LVRN: variants seen among roughly 807,000 people sequenced by gnomAD.
LVRN encodes the protein laeverin.
LVRN carries 99 observed loss-of-function variants against 111.4 expected under a neutral mutation model. That is an observed-to-expected ratio of 0.89 (90% CI 0.76 to 1.05). The LOEUF (loss-of-function observed/expected upper bound fraction) is 1.05. Among genes scored for constraint, LVRN ranks in the 50% least tolerant of loss-of-function variants. The pLI, the probability that LVRN is intolerant of heterozygous loss-of-function variation, is 0.00. For missense variants in LVRN, 1,414 were observed against 1,206.8 expected, an observed-to-expected ratio of 1.17 and a Z score of -2.54; for synonymous variants, 488 against 449.5, an observed-to-expected ratio of 1.09 and a Z score of -1.08.
chr5:115,971,060 G>C (rs1726735962), intron 1 of LVRN, among the ~76,000 whole-genome samples: 1 of 152,096 alleles, frequency 6.6e-6, no homozygotes, highest in South Asian at 2.1e-4. Flanking sequence ...ATTCTAATAG[G>C]TGTATAGTGT....
chr5:116,018,701 T>C (rs562457367), intron 18 of LVRN, among the ~76,000 whole-genome samples: 56 of 152,282 alleles, frequency 3.7e-4, no homozygotes, highest in Non-Finnish European at 1.5e-4. Flanking sequence ...ATGCTATATC[T>C]TTTAAACATT....
chr5:115,987,950 C>A lies in LVRN; in HGVS notation c.1105+11C>A. On this transcript the variant is annotated intron_variant, in intron 4 of 19. Transcript: ENST00000357872. Reference sequence around the variant, plus strand: ...CTCTTCCAAAAACAGGTGAGGTAATCTTTTCCTTTCAGTGCATTTGGTTTC... The same window carrying A: ...CTCTTCCAAAAACAGGTGAGGTAATATTTTCCTTTCAGTGCATTTGGTTTC... 6.2e-7 allele frequency: 1 copy of A among 1,605,806 alleles called. No homozygotes were observed. Among genetic ancestry groups the A allele is most frequent in the Non-Finnish European group, 8.5e-7 (1 of 1,177,352 alleles).
At chr5:116,012,181 A>G (rs1339023678) in intron 14 of LVRN, among the ~76,000 whole-genome samples, 193 bp from the exon 15 acceptor site, 1 of 152,182 alleles carries the variant, frequency 6.6e-6, no homozygotes, top group Non-Finnish European at 1.5e-5. Context: ...ACCACATTTT[A>G]TGAAAAATGG....
intron 1 of LVRN, among the ~76,000 whole-genome samples, chr5:115,968,527 C>G (rs1223038131): frequency 6.6e-6 from 1 of 150,882 alleles, no homozygotes; most frequent in Non-Finnish European, 1.5e-5. Flanking sequence ...CAGTCCCAAA[C>G]TCTCAGGCCC....
Position 115,970,744 on chromosome 5 carries a change from T to A in LVRN, c.695+7432T>A, listed in dbSNP as rs190726712. On this transcript the variant is annotated intron_variant, in intron 1 of 19. Coordinates refer to ENST00000357872, the MANE Select transcript of LVRN (RefSeq NM_173800.5). ...GTATTACTGATAGCATTTCATTGTA[T>A]TGATATAACACAATTTGTTTATCCA... Among the ~76,000 whole-genome samples the A allele has an allele frequency of 2.4e-3, 361 of 152,364 alleles. 4 individuals carry two copies. The highest frequency in any genetic ancestry group is 7.8e-3 in the African/African-American group (323 of 41,582).
In LVRN at chr5:115,963,336, C is replaced by G. The variant is rs767548224; in HGVS notation, c.695+24C>G. The G allele has an allele frequency of 3.3e-6, 5 of 1,533,476 alleles. No homozygotes were observed. In the South Asian group the frequency reaches 3.8e-5, roughly 12 times the overall value. The allele number at this position is 1,533,476 out of a possible 1,614,324, so 95.0% of individuals were successfully genotyped here. ...AGGTAAGGGCTGTACAGCCCGGGGC[C>G]CCTCTCGGCCCCCGCCCCTGCGTCC... On this transcript the variant is annotated intron_variant, in intron 1 of 19. Coordinates refer to ENST00000357872, the MANE Select transcript of LVRN (RefSeq NM_173800.5).
At chr5:115,998,665 G>A (rs889360626) in intron 6 of LVRN, among the ~76,000 whole-genome samples, 1 of 152,096 alleles carries the variant, frequency 6.6e-6, no homozygotes, top group Non-Finnish European at 1.5e-5. Context: ...CTTGCTACTC[G>A]GTGTGATTCT....
At chr5:115,969,799 C>A (rs1440771011) in intron 1 of LVRN, among the ~76,000 whole-genome samples, 641 of 113,608 alleles carry the variant, frequency 5.6e-3, no homozygotes, top group South Asian at 7.5e-3. Context: ...GACTCGATCT[C>A]AAAAAAAAAA....
intron 1 of LVRN, chr5:115,975,353 C>G (rs1251670007): frequency 3.8e-6 from 1 of 263,742 alleles, no homozygotes; most frequent in Admixed American, 4.9e-5. Flanking sequence ...ATGATATCAA[C>G]ACCTTTCCTA....
intron 1 of LVRN, among the ~76,000 whole-genome samples, chr5:115,967,908 A>G (rs1753236706): frequency 6.6e-6 from 1 of 152,186 alleles, no homozygotes; most frequent in African/African-American, 2.4e-5. Flanking sequence ...CTATATAGAA[A>G]TGCTGCTTTG....
intron 18 of LVRN, 66 bp downstream of exon 18, chr5:116,015,831 A>G: frequency 6.3e-7 from 1 of 1,577,510 alleles, no homozygotes; most frequent in Middle Eastern, 1.7e-4. Flanking sequence ...GCTCAGCTTT[A>G]GTCTAGCTTG....
chr5:115,964,725 A>T (rs989561742), intron 1 of LVRN, among the ~76,000 whole-genome samples: 2 of 152,106 alleles, frequency 1.3e-5, no homozygotes, highest in African/African-American at 4.8e-5. Context: ...GTCCCGTTCA[A>T]TTTTTCTATT....
intron 4 of LVRN, among the ~76,000 whole-genome samples, chr5:115,991,762 G>T (rs1365717910): frequency 2.0e-5 from 3 of 152,178 alleles, no homozygotes; most frequent in African/African-American, 7.2e-5. Context: ...GACAATTGAT[G>T]TTGAGCATCT....
rs552785329 is a variant in LVRN, at chr5:115,967,323, T to G, written c.695+4011T>G. ...TTTGAGATGATTTTTTAAGATGTTA[T>G]GTTTAGGTTGAGGTTAATTCTTTTG... On this transcript the variant is annotated intron_variant, in intron 1 of 19. Coordinates refer to ENST00000357872, the MANE Select transcript of LVRN (RefSeq NM_173800.5). Among the ~76,000 whole-genome samples the G allele has an allele frequency of 4.6e-5, 7 of 152,336 alleles. No homozygotes were observed. In the East Asian group the frequency reaches 1.3e-3, roughly 29 times the overall value.
chr5:115,979,078 T>C (rs1231904817), intron 1 of LVRN, among the ~76,000 whole-genome samples: 2 of 152,094 alleles, frequency 1.3e-5, no homozygotes, highest in Non-Finnish European at 2.9e-5. Context: ...CTCCTCCAGG[T>C]GGCTCTACTG....
intron 18 of LVRN, chr5:116,021,255 C>T (rs959637025): frequency 6.6e-6 from 1 of 152,178 alleles, no homozygotes. Flanking sequence ...CTGTGTCTGG[C>T]AGAAATTCAC....
At chr5:116,012,610 G>A (rs1359720267) in intron 15 of LVRN, 142 bp downstream of exon 15, 1 of 552,656 alleles carries the variant, frequency 1.8e-6, no homozygotes, top group African/African-American at 2.0e-5. Flanking sequence ...ATAGCTCAGA[G>A]GTTGGTGGGC....
At position 115,984,545 on chromosome 5, in the gene LVRN, T is replaced by C. The variant is rs369036593; in HGVS notation, c.839-25T>C. 166 of 1,611,384 alleles carry C rather than the reference T, an allele frequency of 1.0e-4. 1 individual carries two copies. The Middle Eastern group carries it at 1.2e-3, about 11-fold the overall frequency. On this transcript the variant is annotated intron_variant, in intron 2 of 19. Coordinates refer to ENST00000357872, the MANE Select transcript of LVRN (RefSeq NM_173800.5). Reference sequence around the variant, plus strand: ...ATGTAATTGCTTAGATTTGCTGTGATTTGAACTAAAATAAAATTCTCTAGG... The same window carrying C: ...ATGTAATTGCTTAGATTTGCTGTGACTTGAACTAAAATAAAATTCTCTAGG...
chr5:116,020,658 C>T (rs1748707703), intron 18 of LVRN, among the ~76,000 whole-genome samples: 1 of 152,200 alleles, frequency 6.6e-6, no homozygotes, highest in Admixed American at 6.5e-5. Context: ...GAGAAGTTAT[C>T]AGAGTGGAGG....
Sources: gnomAD v4.1 joint callset for allele counts (sites outside exome capture counted in the v4.1 genomes callset) on GRCh38, gnomAD v4.1.1 for gene constraint, MANE v1.5 for transcripts, NCBI Gene and HGNC (gene_info 2026-07-23, HGNC 2026-07-21) for gene names.